NRG3: variants seen among roughly 807,000 people sequenced by gnomAD.
The protein encoded by NRG3 is neuregulin 3.
NRG3 carries 31 observed loss-of-function variants against 66.9 expected under a neutral mutation model. That is an observed-to-expected ratio of 0.46 (90% CI 0.35 to 0.63). The LOEUF is 0.63. NRG3 is among the 20% of genes least tolerant of loss of function. NRG3 has a pLI of 0.00. For synonymous variants in NRG3, 393 were observed against 359.4 expected (o/e 1.09, Z -1.06); for missense variants, 910 against 878.9 (o/e 1.04, Z -0.45).
At chr10:82,785,975 C>A (rs964193167) in intron 3 of NRG3, among the ~76,000 whole-genome samples, 1 of 152,064 alleles carries the variant, frequency 6.6e-6, no homozygotes, top group African/African-American at 2.4e-5. Context: ...AGGGCCATGG[C>A]GATCTACTCC....
chr10:82,685,743 C>A (rs1420964874), intron 2 of NRG3, among the ~76,000 whole-genome samples: 1 of 152,066 alleles, frequency 6.6e-6, no homozygotes, highest in Non-Finnish European at 1.5e-5. Context: ...AAAATATTTT[C>A]TCTCTGTATA....
intron 3 of NRG3, among the ~76,000 whole-genome samples, chr10:82,811,798 T>G (rs2061502452): frequency 6.6e-6 from 1 of 152,230 alleles, no homozygotes; most frequent in Admixed American, 6.5e-5. Context: ...GGAGCTGCAT[T>G]CACCAGCAGT....
At chr10:82,694,256 T>C (rs116490585) in intron 2 of NRG3, among the ~76,000 whole-genome samples, 1,613 of 152,312 alleles carry the variant, frequency 0.011, 25 homozygotes, top group African/African-American at 0.037. Flanking sequence ...AGAGTGATGA[T>C]GGGTGCATTT....
intron 2 of NRG3, among the ~76,000 whole-genome samples, chr10:82,728,267 A>G (rs1247545832): frequency 1.3e-5 from 2 of 152,104 alleles, no homozygotes; most frequent in Non-Finnish European, 2.9e-5. Context: ...GTGGAATAAT[A>G]TGGTTTGGCT....
chr10:82,927,086 C>G (rs1447573745), intron 4 of NRG3, among the ~76,000 whole-genome samples: 1 of 152,120 alleles, frequency 6.6e-6, no homozygotes, highest in Non-Finnish European at 1.5e-5. Flanking sequence ...TCTGTCCTTG[C>G]TCAGGGACCC....
intron 2 of NRG3, among the ~76,000 whole-genome samples, chr10:82,403,381 T>A (rs983283299): frequency 2.6e-5 from 4 of 152,172 alleles, no homozygotes; most frequent in Non-Finnish European, 5.9e-5. Flanking sequence ...ACATTTTGTG[T>A]CATTTAATTA....
rs186645229 is a variant in NRG3, at chr10:82,318,179, C to A, written c.824-40560C>A. Among the ~76,000 whole-genome samples the A allele has an allele frequency of 4.1e-4, 63 of 151,896 alleles. 1 individual carries two copies. In the East Asian group the frequency reaches 9.7e-3, roughly 23 times the overall value. On this transcript the variant is annotated intron_variant, in intron 1 of 8. Coordinates refer to ENST00000372141, the MANE Select transcript of NRG3 (RefSeq NM_001010848.4). ...TCTTGCAGCTCACTAGGAATTTCCTCATGGGCAAAATTTGGGTGGGGTGGG... is the reference window on the plus strand; with the variant it reads ...TCTTGCAGCTCACTAGGAATTTCCTAATGGGCAAAATTTGGGTGGGGTGGG...
At chr10:81,975,369 C>A (rs79721091) in intron 1 of NRG3, among the ~76,000 whole-genome samples, 1 of 138,940 alleles carries the variant, frequency 7.2e-6, no homozygotes. Flanking sequence ...ATCTATCTAT[C>A]TATCTATTCA....
chr10:82,214,565 A>C (rs1386031377), intron 1 of NRG3, among the ~76,000 whole-genome samples: 1 of 152,258 alleles, frequency 6.6e-6, no homozygotes, highest in South Asian at 2.1e-4. Flanking sequence ...CCTGGGCCCA[A>C]GTGATCCTCA....
chr10:82,489,307 T>C (rs1362670180), intron 2 of NRG3, among the ~76,000 whole-genome samples: 1 of 152,174 alleles, frequency 6.6e-6, no homozygotes, highest in Non-Finnish European at 1.5e-5. Context: ...AAAATTCACC[T>C]AAAAATCTAT....
rs74440737 is a variant in NRG3, at chr10:82,157,301, C to T, written c.824-201438C>T. Among the ~76,000 whole-genome samples the T allele has an allele frequency of 8.0e-3, 1,210 of 151,718 alleles. 18 individuals are homozygous for T. Among genetic ancestry groups the T allele is most frequent in the African/African-American group, 0.028 (1,141 of 41,446 alleles). On this transcript the variant is annotated intron_variant, in intron 1 of 8. Transcript: ENST00000372141. Reference sequence around the variant, plus strand: ...GAAAGTATATTGCTTTTGCATTTAACCAAATGGTCATTGAAAAGTATAAAA... The same window carrying T: ...GAAAGTATATTGCTTTTGCATTTAATCAAATGGTCATTGAAAAGTATAAAA...
At chr10:82,724,963 T>C (rs1199663708) in intron 2 of NRG3, among the ~76,000 whole-genome samples, 1 of 152,198 alleles carries the variant, frequency 6.6e-6, no homozygotes, top group Non-Finnish European at 1.5e-5. Flanking sequence ...GCCTCTTTGA[T>C]CTCTTGTGGA....
chr10:82,721,328 CG>C (rs35241525), intron 2 of NRG3, among the ~76,000 whole-genome samples: 1 of 150,906 alleles, frequency 6.6e-6, no homozygotes, highest in South Asian at 2.1e-4. Flanking sequence ...TTAGTAGAGG[CG>C]GTGTTTCACT....
At chr10:82,243,733 C>T (rs865937732) in intron 1 of NRG3, among the ~76,000 whole-genome samples, 6 of 152,268 alleles carry the variant, frequency 3.9e-5, no homozygotes, top group Middle Eastern at 3.4e-3. Context: ...AAACATAGAT[C>T]TTGACTTCCA....
intron 1 of NRG3, among the ~76,000 whole-genome samples, chr10:81,986,127 T>C (rs1009291119): frequency 6.6e-6 from 1 of 152,160 alleles, no homozygotes; most frequent in Non-Finnish European, 1.5e-5. Flanking sequence ...ACATAATTAT[T>C]AGTTAATTGT....
intron 2 of NRG3, among the ~76,000 whole-genome samples, chr10:82,519,336 A>G (rs904225732): frequency 2.0e-5 from 3 of 152,162 alleles, no homozygotes; most frequent in Non-Finnish European, 4.4e-5. Context: ...CTTGACCCAG[A>G]TGTGAAATTT....
At chr10:82,245,084 CA>C (rs554568303) in intron 1 of NRG3, among the ~76,000 whole-genome samples, 113 of 152,148 alleles carry the variant, frequency 7.4e-4, no homozygotes, top group African/African-American at 2.5e-3. Context: ...TTGTAACATA[CA>C]ATGAAATAAT....
intron 2 of NRG3, among the ~76,000 whole-genome samples, chr10:82,615,275 A>G (rs1217192061): frequency 6.6e-6 from 1 of 152,142 alleles, no homozygotes; most frequent in Non-Finnish European, 1.5e-5. Context: ...TCTGATTATA[A>G]AAATAGAAAT....
At chr10:82,418,048 A>G (rs976579863) in intron 2 of NRG3, among the ~76,000 whole-genome samples, 13 of 152,238 alleles carry the variant, frequency 8.5e-5, no homozygotes, top group South Asian at 4.1e-4. Flanking sequence ...TTAAATTGCT[A>G]TCAGAATTTG....
Sources: allele counts gnomAD v4.1 joint callset (sites outside exome capture counted in the v4.1 genomes callset), GRCh38; gene constraint gnomAD v4.1.1; transcripts MANE v1.5; gene names NCBI Gene and HGNC (gene_info 2026-07-23, HGNC 2026-07-21).